LRRTM4: variants seen among roughly 807,000 people sequenced by gnomAD.
LRRTM4 encodes the protein leucine rich repeat transmembrane neuronal 4.
LRRTM4 carries 25 observed loss-of-function variants against 47.6 expected under a neutral mutation model. That is an observed-to-expected ratio of 0.53 (90% CI 0.38 to 0.73). The LOEUF (loss-of-function observed/expected upper bound fraction) is 0.73. Ranked by LOEUF, LRRTM4 falls within the 30% of genes least tolerant of loss-of-function variation. The pLI is 0.00. For synonymous variants in LRRTM4, 311 were observed against 269.5 expected (o/e 1.15, Z -1.51); for missense variants, 638 against 713.4 (o/e 0.89, Z 1.20).
At chr2:77,518,271 C>G in intron 3 of LRRTM4, 47 bp downstream of exon 3, 1 of 1,498,292 alleles carries the variant, frequency 6.7e-7, no homozygotes, top group Non-Finnish European at 8.9e-7. Flanking sequence ...ACATTTACCT[C>G]TCCTTCCCCG....
At chr2:77,004,588 A>C (rs550008753) in intron 3 of LRRTM4, among the ~76,000 whole-genome samples, 2 of 152,246 alleles carry the variant, frequency 1.3e-5, no homozygotes, top group South Asian at 4.1e-4. Context: ...TGCAGAGGAG[A>C]AATGTAGGGT....
chr2:76,816,347 G>A lies in LRRTM4; in HGVS notation c.1552-67431C>T, dbSNP rs534126528. On this transcript the variant is annotated intron_variant, in intron 3 of 3. Transcript: ENST00000409884. ...CACCGACATCTGAAGTATAATTATT[G>A]ACCCCTGTCCTAACACAATGATCTT... 3.3e-5 allele frequency among the ~76,000 whole-genome samples: 5 copies of A among 151,914 alleles called. No homozygotes were observed. In the South Asian group the frequency reaches 1.0e-3, roughly 32 times the overall value.
At chr2:77,088,134 AATTT>A (rs1206080024) in intron 3 of LRRTM4, among the ~76,000 whole-genome samples, 1 of 152,194 alleles carries the variant, frequency 6.6e-6, no homozygotes, top group Non-Finnish European at 1.5e-5. Flanking sequence ...AAGAGAAGAT[AATTT>A]ATTTTGATTA....
At chr2:77,459,078 T>A (rs1222443579) in intron 3 of LRRTM4, among the ~76,000 whole-genome samples, 1 of 152,076 alleles carries the variant, frequency 6.6e-6, no homozygotes, top group Non-Finnish European at 1.5e-5. Flanking sequence ...TTATTTATAT[T>A]TATTCAAAAA....
At chr2:77,263,310 A>G (rs1675967843) in intron 3 of LRRTM4, among the ~76,000 whole-genome samples, 1 of 152,040 alleles carries the variant, frequency 6.6e-6, no homozygotes, top group Non-Finnish European at 1.5e-5. Context: ...TAAACCAGCA[A>G]TCTAATAGGT....
chr2:77,064,079 T>A (rs978258607), intron 3 of LRRTM4, among the ~76,000 whole-genome samples: 11 of 152,194 alleles, frequency 7.2e-5, no homozygotes, highest in African/African-American at 2.7e-4. Context: ...CTTATTTTTT[T>A]TAAAAATGTA....
At chr2:77,433,528 C>T (rs1675469554) in intron 3 of LRRTM4, among the ~76,000 whole-genome samples, 2 of 152,034 alleles carry the variant, frequency 1.3e-5, no homozygotes, top group South Asian at 4.2e-4. Context: ...AAACACTATG[C>T]CTATAAAGTT....
rs1001973765 is a variant in LRRTM4 at position 76,800,234 on chromosome 2, G to T, written c.1552-51318C>A. ...AAGGCGACAGTGACCAAAACAGCAT[G>T]GTACTGGTACCAAAACAGAGATATA... On this transcript the variant is annotated intron_variant, in intron 3 of 3. Transcript: ENST00000409884. Among the ~76,000 whole-genome samples the T allele has an allele frequency of 2.3e-4, 34 of 148,494 alleles. 1 individual carries two copies. The highest frequency in any genetic ancestry group is 8.4e-4 in the African/African-American group (33 of 39,312).
chr2:77,386,048 T>C (rs1323630931), intron 3 of LRRTM4, among the ~76,000 whole-genome samples: 2 of 152,122 alleles, frequency 1.3e-5, no homozygotes, highest in East Asian at 3.9e-4. Flanking sequence ...TGAGCCACCA[T>C]GCCCAGCCAC....
At chr2:77,066,812 T>G (rs1015847632) in intron 3 of LRRTM4, among the ~76,000 whole-genome samples, 3 of 152,226 alleles carry the variant, frequency 2.0e-5, no homozygotes, top group Admixed American at 6.5e-5. Context: ...ATGTGACATT[T>G]GGTTGAATTT....
At chr2:76,965,767 T>C (rs1220272829) in intron 3 of LRRTM4, among the ~76,000 whole-genome samples, 4 of 151,430 alleles carry the variant, frequency 2.6e-5, no homozygotes, top group Non-Finnish European at 4.4e-5. Flanking sequence ...CAAATTTATA[T>C]AAATGAAACT....
intron 3 of LRRTM4, among the ~76,000 whole-genome samples, chr2:76,780,160 G>A (rs1462402473): frequency 6.6e-6 from 1 of 152,096 alleles, no homozygotes; most frequent in Non-Finnish European, 1.5e-5. Context: ...TCCCTTTGAG[G>A]GTAACCCGAC....
chr2:77,047,329 T>A (rs550732632), intron 3 of LRRTM4, among the ~76,000 whole-genome samples: 2 of 152,100 alleles, frequency 1.3e-5, no homozygotes, highest in South Asian at 4.1e-4. Context: ...GGCACAGAAG[T>A]TAAAAGTGCA....
chr2:77,291,417 T>C (rs1676819290), intron 3 of LRRTM4, among the ~76,000 whole-genome samples: 1 of 152,098 alleles, frequency 6.6e-6, no homozygotes, highest in Admixed American at 6.6e-5. Context: ...TTTTTACAGA[T>C]TTTTAATTCA....
At chr2:77,227,214 A>G (rs1558643405) in intron 3 of LRRTM4, among the ~76,000 whole-genome samples, 1 of 152,070 alleles carries the variant, frequency 6.6e-6, no homozygotes, top group East Asian at 1.9e-4. Context: ...ACAGCCTCTG[A>G]GAAACAAAAG....
intron 3 of LRRTM4, among the ~76,000 whole-genome samples, chr2:76,907,187 A>T (rs985515656): frequency 3.9e-5 from 6 of 152,136 alleles, no homozygotes; most frequent in South Asian, 2.1e-4. Context: ...GGATTAAGAA[A>T]CTCACTCAAA....
intron 3 of LRRTM4, among the ~76,000 whole-genome samples, chr2:77,300,995 T>G (rs1320422467): frequency 6.6e-6 from 1 of 152,054 alleles, no homozygotes; most frequent in Admixed American, 6.6e-5. Context: ...TAGATGCACT[T>G]TTTTTCTTTT....
At chr2:77,391,327 G>C (rs1444335910) in intron 3 of LRRTM4, among the ~76,000 whole-genome samples, 2 of 151,926 alleles carry the variant, frequency 1.3e-5, no homozygotes, top group East Asian at 3.9e-4. Context: ...TTATCTCTGG[G>C]ACAGGCAGTA....
intron 3 of LRRTM4, among the ~76,000 whole-genome samples, chr2:76,791,837 T>C (rs990177108): frequency 2.6e-5 from 4 of 152,164 alleles, no homozygotes; most frequent in Admixed American, 6.5e-5. Flanking sequence ...AGTCAAAACA[T>C]TGTAATAAGC....
Sources: gnomAD v4.1 joint callset for allele counts (sites outside exome capture counted in the v4.1 genomes callset) on GRCh38, gnomAD v4.1.1 for gene constraint, MANE v1.5 for transcripts, NCBI Gene and HGNC (gene_info 2026-07-23, HGNC 2026-07-21) for gene names.